FBXL13: variants seen among roughly 807,000 people sequenced by gnomAD.
The protein encoded by FBXL13 is F-box and leucine rich repeat protein 13.
FBXL13 carries 67 observed loss-of-function variants against 83.6 expected under a neutral mutation model. The observed-to-expected ratio is 0.80, with a 90% CI of 0.66 to 0.98. FBXL13 has a LOEUF of 0.98. Among genes scored for constraint, FBXL13 ranks in the 50% least tolerant of loss-of-function variants. FBXL13 has a pLI of 0.00. For missense variants in FBXL13, 822 were observed against 866.5 expected (o/e 0.95, Z 0.64); for synonymous variants, 272 against 299.5 (o/e 0.91, Z 0.95).
intron 2 of FBXL13, among the ~76,000 whole-genome samples, chr7:103,054,670 T>C (rs1174915586): frequency 6.6e-6 from 1 of 152,132 alleles, no homozygotes; most frequent in East Asian, 1.9e-4. Flanking sequence ...CCCTGTAACC[T>C]AATCTGAGAA....
chr7:103,042,829 T>C (rs954606229), intron 2 of FBXL13, among the ~76,000 whole-genome samples: 22 of 152,190 alleles, frequency 1.4e-4, no homozygotes, highest in African/African-American at 5.1e-4. Context: ...TCAAGATGCA[T>C]TAAAGACTTA....
intron 10 of FBXL13, among the ~76,000 whole-genome samples, chr7:102,924,235 T>A (rs1817629188): frequency 7.1e-6 from 1 of 141,304 alleles, no homozygotes. Context: ...CAAAACTCCG[T>A]CTCAAAAAAA....
intron 19 of FBXL13, among the ~76,000 whole-genome samples, chr7:102,817,627 T>C (rs1050875458): frequency 6.6e-6 from 1 of 152,210 alleles, no homozygotes; most frequent in African/African-American, 2.4e-5. Flanking sequence ...AAGTTAAAAA[T>C]GTAGAAACTA....
chr7:103,074,581 C>G, upstream of FBXL13: 1 of 1,241,202 alleles, frequency 8.1e-7, no homozygotes, highest in Non-Finnish European at 1.1e-6. Context: ...CCCGCCTTCC[C>G]TCCACTCCTC....
intron 16 of FBXL13, among the ~76,000 whole-genome samples, chr7:102,867,230 T>G (rs1807781670): frequency 6.6e-6 from 1 of 151,948 alleles, no homozygotes. Flanking sequence ...TGATGGTATG[T>G]GCCTGTAGTC....
chr7:103,053,337 G>A (rs1270902837), intron 2 of FBXL13, among the ~76,000 whole-genome samples: 1 of 151,660 alleles, frequency 6.6e-6, no homozygotes, highest in African/African-American at 2.4e-5. Context: ...ACTTTTAGTA[G>A]AGACAGGGTT....
At chr7:102,926,926 G>A (rs1300066456) in intron 9 of FBXL13, among the ~76,000 whole-genome samples, 1 of 152,152 alleles carries the variant, frequency 6.6e-6, no homozygotes, top group Admixed American at 6.5e-5. Flanking sequence ...TTTATGGTAA[G>A]TTTGAGATGG....
chr7:102,832,828 T>G lies in FBXL13; in HGVS notation c.1854+12A>C. ...AAATTGGATGTGTTTGAGCCCTGAC[T>G]CCTGCACATACCTTTGGACAGCCAG... On this transcript the variant is annotated intron_variant, in intron 18 of 19. Coordinates refer to ENST00000313221, the Ensembl canonical transcript of FBXL13. The G allele has an allele frequency of 6.2e-7, 1 of 1,614,124 alleles. No homozygotes were observed. The highest frequency in any genetic ancestry group is 1.7e-5 in the Admixed American group (1 of 60,030).
chr7:102,815,697 C>T (rs1797903952), intron 19 of FBXL13, among the ~76,000 whole-genome samples: 1 of 152,006 alleles, frequency 6.6e-6, no homozygotes, highest in African/African-American at 2.4e-5. Flanking sequence ...TCCTCATTCA[C>T]CAAGTTACAT....
intron 3 of FBXL13, among the ~76,000 whole-genome samples, chr7:103,028,964 A>T (rs1794224234): frequency 6.6e-6 from 1 of 152,156 alleles, no homozygotes; most frequent in Non-Finnish European, 1.5e-5. Context: ...TTTAGATAAA[A>T]TAAAGAAATC....
At chr7:103,057,271 A>C (rs1797426217) in intron 1 of FBXL13, among the ~76,000 whole-genome samples, 1 of 152,238 alleles carries the variant, frequency 6.6e-6, no homozygotes, top group Admixed American at 6.5e-5. Flanking sequence ...AAAATCCATC[A>C]TAAACAATAC....
chr7:102,962,990 T>A (rs6950819), intron 8 of FBXL13, among the ~76,000 whole-genome samples: 2,940 of 59,018 alleles, frequency 0.05, 108 homozygotes, highest in African/African-American at 0.23. Context: ...AATAAAAATA[T>A]ATATATATAT....
At chr7:102,834,136 AAG>A (rs1436589327) in intron 17 of FBXL13, among the ~76,000 whole-genome samples, 22 of 124,942 alleles carry the variant, frequency 1.8e-4, no homozygotes, top group African/African-American at 7.4e-4. Flanking sequence ...GAAAGAAAGA[AAG>A]AAAAGAGAAG....
chr7:102,934,821 G>A, intron 8 of FBXL13: 1 of 831,816 alleles, frequency 1.2e-6, no homozygotes, highest in Non-Finnish European at 1.8e-6. Context: ...TATTGACAAT[G>A]GAATTTACCA....
In FBXL13 at chr7:102,916,570, G is replaced by A. The variant is rs140105601; in HGVS notation, c.879-3355C>T. Among the ~76,000 whole-genome samples the A allele has an allele frequency of 2.2e-3, 332 of 152,242 alleles. 2 individuals carry two copies. Among genetic ancestry groups the A allele is most frequent in the African/African-American group, 7.6e-3 (314 of 41,544 alleles). ...CTGCAGACTTAAAGCTGCTAGGGAC[G>A]GGAAAAGTGTCAGTTGACAGCAAAA... On this transcript the variant is annotated intron_variant, in intron 10 of 19. Transcript: ENST00000313221.
intron 6 of FBXL13, among the ~76,000 whole-genome samples, chr7:102,969,910 A>G (rs1826431186): frequency 6.6e-6 from 1 of 151,992 alleles, no homozygotes; most frequent in South Asian, 2.1e-4. Flanking sequence ...AAGAAAAGAA[A>G]TCAACCATAC....
intron 19 of FBXL13, chr7:102,816,086 A>AAT (rs1366136429): frequency 6.6e-6 from 1 of 152,208 alleles, no homozygotes; most frequent in African/African-American, 2.4e-5. Context: ...CTCATTCCTT[A>AAT]GTCCCTGTCC....
chr7:102,958,561 T>TA (rs1491061691), intron 8 of FBXL13, among the ~76,000 whole-genome samples: 1 of 109,624 alleles, frequency 9.1e-6, no homozygotes, highest in African/African-American at 2.9e-5. Context: ...ATAATAATAA[T>TA]AATAATAAAA....
Position 102,951,375 on chromosome 7 carries a change from C to CTAAATAAATAAATAAATAAA in FBXL13, c.724+12138_724+12157dup, listed in dbSNP as rs71106701. On this transcript the variant is annotated intron_variant, in intron 8 of 19. Coordinates refer to ENST00000313221, the Ensembl canonical transcript of FBXL13. Reference sequence around the variant, plus strand: ...TGGGCAACAGAGCGAGACTCCATCTCTAAATAAATAAATAAATAAATAAAT... The same window carrying CTAAATAAATAAATAAATAAA: ...TGGGCAACAGAGCGAGACTCCATCTCTAAATAAATAAATAAATAAATAAATAAATAAATAAATAAATAAAT... Among the ~76,000 whole-genome samples the CTAAATAAATAAATAAATAAA allele has an allele frequency of 2.6e-3, 350 of 133,928 alleles. 1 individual carries two copies. Among genetic ancestry groups the CTAAATAAATAAATAAATAAA allele is most frequent in the Non-Finnish European group, 2.8e-3 (180 of 63,586 alleles). The allele number at this position is 133,928 out of a possible 152,430, so 87.9% of individuals were successfully genotyped here.
Sources: allele counts gnomAD v4.1 joint callset (sites outside exome capture counted in the v4.1 genomes callset), GRCh38; gene constraint gnomAD v4.1.1; transcripts MANE v1.5; gene names NCBI Gene and HGNC (gene_info 2026-07-23, HGNC 2026-07-21).